The following CHN2 variants were observed in gnomAD, a reference collection of about 807,000 sequenced individuals.
CHN2 encodes beta-chimaerin.
A neutral mutation model predicts 56.3 loss-of-function variants in CHN2; 35 were observed. That is an observed-to-expected ratio of 0.62 (90% CI 0.47 to 0.82). The LOEUF is 0.82. Among genes scored for constraint, CHN2 ranks in the 40% least tolerant of loss-of-function variants. The pLI, the probability that CHN2 is intolerant of heterozygous loss-of-function variation, is 0.00. For synonymous variants in CHN2, 210 were observed against 212.8 expected, an observed-to-expected ratio of 0.99 and a Z score of 0.12; for missense variants, 491 against 580.5, an observed-to-expected ratio of 0.85 and a Z score of 1.58.
At chr7:29,269,513 G>A (rs960564162) in intron 1 of CHN2, among the ~76,000 whole-genome samples, 5 of 152,184 alleles carry the variant, frequency 3.3e-5, no homozygotes, top group African/African-American at 1.2e-4. Context: ...CAATGAACTT[G>A]TTAGTGCAGA....
intron 2 of CHN2, among the ~76,000 whole-genome samples, chr7:29,169,032 C>A (rs1005873902): frequency 5.9e-5 from 9 of 152,090 alleles, no homozygotes; most frequent in African/African-American, 2.2e-4. Flanking sequence ...AAAATGGACT[C>A]AAATTGTGGT....
chr7:29,248,390 C>G (rs1008389697), intron 1 of CHN2, among the ~76,000 whole-genome samples: 21 of 152,196 alleles, frequency 1.4e-4, no homozygotes, highest in Non-Finnish European at 4.4e-5. Context: ...AACCAAGTCT[C>G]CCACCCTGTT....
chr7:29,336,817 T>G (rs1240987888), intron 1 of CHN2, among the ~76,000 whole-genome samples: 1 of 148,252 alleles, frequency 6.7e-6, no homozygotes, highest in Non-Finnish European at 1.5e-5. Context: ...GAAAGTCTCC[T>G]TGCTTCTCAG....
At chr7:29,309,316 C>T (rs961782393) in intron 1 of CHN2, among the ~76,000 whole-genome samples, 3 of 152,118 alleles carry the variant, frequency 2.0e-5, no homozygotes, top group African/African-American at 7.2e-5. Context: ...CAGTGCTCTC[C>T]TTATTTGGGT....
At chr7:29,308,178 T>G (rs1199992850) in intron 1 of CHN2, among the ~76,000 whole-genome samples, 1 of 152,214 alleles carries the variant, frequency 6.6e-6, no homozygotes, top group East Asian at 1.9e-4. Context: ...CTTTCCAGCC[T>G]TACCTTATGT....
At chr7:29,263,185 C>T (rs1789715517) in intron 1 of CHN2, among the ~76,000 whole-genome samples, 3 of 152,214 alleles carry the variant, frequency 2.0e-5, no homozygotes, top group African/African-American at 7.2e-5. Context: ...CGCGCCGCCA[C>T]GCCTGACTGG....
intron 1 of CHN2, among the ~76,000 whole-genome samples, chr7:29,299,398 T>A (rs1330662269): frequency 6.6e-6 from 1 of 152,196 alleles, no homozygotes; most frequent in Non-Finnish European, 1.5e-5. Context: ...CAGTGCTGTC[T>A]GGGAGACCTT....
At chr7:29,451,157 C>T (rs1784377466) in intron 6 of CHN2, among the ~76,000 whole-genome samples, 1 of 152,138 alleles carries the variant, frequency 6.6e-6, no homozygotes, top group Non-Finnish European at 1.5e-5. Flanking sequence ...GCTTTAGCCA[C>T]ACAAGTAAGA....
At chr7:29,450,475 G>A (rs184298009) in intron 6 of CHN2, among the ~76,000 whole-genome samples, 102 of 152,268 alleles carry the variant, frequency 6.7e-4, no homozygotes, top group Admixed American at 1.1e-3. Flanking sequence ...GGAGAAGTCC[G>A]GGGGAAGTGG....
chr7:29,430,708 C>G (rs1251669301), intron 6 of CHN2, among the ~76,000 whole-genome samples: 1 of 147,998 alleles, frequency 6.8e-6, no homozygotes, highest in African/African-American at 2.5e-5. Flanking sequence ...AAAATATGTA[C>G]GAAGGCAGTT....
chr7:29,498,363 A>G (rs1789527971), intron 8 of CHN2, among the ~76,000 whole-genome samples: 2 of 152,250 alleles, frequency 1.3e-5, no homozygotes, highest in Admixed American at 6.5e-5. Context: ...CAAAATTTAC[A>G]TTCACTAGAT....
chr7:29,246,250 C>T (rs532037968), intron 1 of CHN2, among the ~76,000 whole-genome samples: 2 of 152,230 alleles, frequency 1.3e-5, no homozygotes, highest in African/African-American at 4.8e-5. Flanking sequence ...TCAGGCAGAA[C>T]CGGAGAGGTT....
At chr7:29,380,178 G>A (rs1800383541) in intron 3 of CHN2, among the ~76,000 whole-genome samples, 1 of 152,058 alleles carries the variant, frequency 6.6e-6, no homozygotes, top group Non-Finnish European at 1.5e-5. Flanking sequence ...CACCCTCCTG[G>A]TGGGAGAATA....
intron 1 of CHN2, among the ~76,000 whole-genome samples, chr7:29,344,285 C>T (rs902354417): frequency 2.0e-5 from 3 of 152,210 alleles, no homozygotes; most frequent in African/African-American, 7.2e-5. Context: ...AGTCCACTTT[C>T]ACTCTCAACT....
At chr7:29,157,335 C>T (rs540763197) in intron 2 of CHN2, among the ~76,000 whole-genome samples, 59 of 152,204 alleles carry the variant, frequency 3.9e-4, no homozygotes, top group African/African-American at 1.4e-3. Context: ...CTTCTCCACT[C>T]AATGCCCAGC....
intron 1 of CHN2, among the ~76,000 whole-genome samples, chr7:29,244,928 T>C (rs1274824399): frequency 6.6e-6 from 1 of 152,228 alleles, no homozygotes; most frequent in Non-Finnish European, 1.5e-5. Context: ...CATCTTGGTC[T>C]TTAGTTCTCT....
intron 3 of CHN2, among the ~76,000 whole-genome samples, chr7:29,378,641 G>A (rs1800255923): frequency 6.6e-6 from 1 of 152,102 alleles, no homozygotes; most frequent in South Asian, 2.1e-4. Flanking sequence ...AAAGTTTGCC[G>A]ACCCCTGGTC....
chr7:29,223,385 A>G (rs1785948495), intron 1 of CHN2, among the ~76,000 whole-genome samples: 1 of 152,144 alleles, frequency 6.6e-6, no homozygotes, highest in Non-Finnish European at 1.5e-5. Flanking sequence ...AGGTAGATGT[A>G]GCTAATATAC....
intron 12 of CHN2, 59 bp downstream of exon 12, chr7:29,509,465 G>T: frequency 7.4e-7 from 1 of 1,342,930 alleles, no homozygotes; most frequent in Non-Finnish European, 1.1e-6. Context: ...AATGCATGAG[G>T]AAAAGTGGAC....
Sources: gnomAD v4.1 joint callset for allele counts (sites outside exome capture counted in the v4.1 genomes callset) on GRCh38, gnomAD v4.1.1 for gene constraint, MANE v1.5 for transcripts, NCBI Gene and HGNC (gene_info 2026-07-23, HGNC 2026-07-21) for gene names.